Variants in MAPKAP1 observed in about 807,000 individuals in gnomAD.
MAPKAP1 encodes the protein target of rapamycin complex 2 subunit MAPKAP1.
MAPKAP1 carries 20 observed loss-of-function variants against 65.7 expected under a neutral mutation model. That is an observed-to-expected ratio of 0.30 (90% CI 0.21 to 0.44). The LOEUF (loss-of-function observed/expected upper bound fraction) is 0.44. Ranked by LOEUF, MAPKAP1 falls within the 20% of genes least tolerant of loss-of-function variation. The probability of loss-of-function intolerance (pLI) is 1.00; values close to 1 mark genes in which losing one functional copy is unlikely to be tolerated. For synonymous variants in MAPKAP1, 222 were observed against 244.3 expected (o/e 0.91, Z 0.85); for missense variants, 423 against 648.0 (o/e 0.65, Z 3.77).
At chr9:125,474,086 T>C (rs901273504) in intron 9 of MAPKAP1, among the ~76,000 whole-genome samples, 6 of 152,036 alleles carry the variant, frequency 3.9e-5, no homozygotes, top group African/African-American at 1.4e-4. Context: ...TGACATAGAC[T>C]CAGTGATGAG....
intron 10 of MAPKAP1, among the ~76,000 whole-genome samples, chr9:125,467,116 C>T (rs146059444): frequency 1.1e-4 from 17 of 152,288 alleles, no homozygotes; most frequent in African/African-American, 2.9e-4. Context: ...GGTGGGCCCT[C>T]GGTAACTGCA....
intron 7 of MAPKAP1, among the ~76,000 whole-genome samples, chr9:125,541,238 C>T (rs1830237780): frequency 6.6e-6 from 1 of 152,064 alleles, no homozygotes; most frequent in African/African-American, 2.4e-5. Context: ...GTATGATAAA[C>T]GCTGGGAATG....
At chr9:125,526,453 C>T (rs1023452489) in intron 7 of MAPKAP1, among the ~76,000 whole-genome samples, 3 of 152,186 alleles carry the variant, frequency 2.0e-5, no homozygotes, top group East Asian at 1.9e-4. Context: ...CTTTAACCTA[C>T]GGAAAATATG....
chr9:125,587,764 C>T (rs1200668530), intron 4 of MAPKAP1, among the ~76,000 whole-genome samples: 1 of 152,102 alleles, frequency 6.6e-6, no homozygotes, highest in Non-Finnish European at 1.5e-5. Flanking sequence ...TTTGAACAGA[C>T]ATTTCTCCAA....
intron 1 of MAPKAP1, among the ~76,000 whole-genome samples, chr9:125,701,555 C>T (rs554566204): frequency 3.3e-5 from 5 of 152,324 alleles, no homozygotes; most frequent in African/African-American, 1.2e-4. Flanking sequence ...GGATGCAACA[C>T]CCTCTCTAGT....
At chr9:125,518,175 C>A (rs1232732003) in intron 7 of MAPKAP1, among the ~76,000 whole-genome samples, 1 of 152,144 alleles carries the variant, frequency 6.6e-6, no homozygotes, top group African/African-American at 2.4e-5. Context: ...CATTAAAGTA[C>A]CGTTTTAATA....
intron 7 of MAPKAP1, among the ~76,000 whole-genome samples, chr9:125,534,953 C>T (rs936970186): frequency 6.6e-6 from 1 of 152,200 alleles, no homozygotes; most frequent in Non-Finnish European, 1.5e-5. Flanking sequence ...GCCTGCTTAT[C>T]CCAACTAAAT....
intron 7 of MAPKAP1, among the ~76,000 whole-genome samples, chr9:125,507,126 A>G (rs1829165005): frequency 6.6e-6 from 1 of 152,260 alleles, no homozygotes; most frequent in Non-Finnish European, 1.5e-5. Flanking sequence ...ACTGGAAGCC[A>G]GGAATACTAG....
chr9:125,549,781 C>A (rs1338562056), intron 6 of MAPKAP1, among the ~76,000 whole-genome samples: 1 of 152,142 alleles, frequency 6.6e-6, no homozygotes, highest in Non-Finnish European at 1.5e-5. Context: ...TATTTGAGCT[C>A]TTTGAGATGC....
chr9:125,594,628 T>A (rs1832071046), intron 4 of MAPKAP1, among the ~76,000 whole-genome samples: 1 of 152,178 alleles, frequency 6.6e-6, no homozygotes, highest in Non-Finnish European at 1.5e-5. Context: ...TTCCCTCTTC[T>A]CTCCTCCCCT....
At chr9:125,596,834 T>C (rs997659441) in intron 4 of MAPKAP1, among the ~76,000 whole-genome samples, 4 of 152,206 alleles carry the variant, frequency 2.6e-5, no homozygotes, top group East Asian at 3.9e-4. Context: ...TAACAGGTTG[T>C]TTTAGTTTTT....
At chr9:125,499,804 A>C (rs887634211) in intron 8 of MAPKAP1, among the ~76,000 whole-genome samples, 2 of 152,044 alleles carry the variant, frequency 1.3e-5, no homozygotes, top group African/African-American at 4.8e-5. Context: ...ACATAGCAAG[A>C]CACCATCTCT....
chr9:125,479,505 G>A (rs541830840), intron 9 of MAPKAP1, among the ~76,000 whole-genome samples: 4 of 152,078 alleles, frequency 2.6e-5, no homozygotes, highest in East Asian at 3.9e-4. Context: ...GCTTGAACCC[G>A]GGAGGCGGAG....
chr9:125,674,673 TTAAAA>T (rs1280855711), intron 1 of MAPKAP1, among the ~76,000 whole-genome samples: 2 of 152,218 alleles, frequency 1.3e-5, no homozygotes, highest in Non-Finnish European at 2.9e-5. Flanking sequence ...AAAGTGGGTC[TTAAAA>T]TAAAGATACT....
At chr9:125,559,879 T>C in intron 5 of MAPKAP1, 70 bp from the exon 6 acceptor site, 1 of 1,464,704 alleles carries the variant, frequency 6.8e-7, no homozygotes, top group Non-Finnish European at 9.2e-7. Context: ...GAGGGTATGG[T>C]GCACAGCAAG....
intron 3 of MAPKAP1, among the ~76,000 whole-genome samples, chr9:125,661,023 AAAAGT>A (rs1370134864): frequency 6.6e-6 from 1 of 152,252 alleles, no homozygotes; most frequent in Non-Finnish European, 1.5e-5. Context: ...TAAATATTCT[AAAAGT>A]AAAGAAGACA....
intron 4 of MAPKAP1, among the ~76,000 whole-genome samples, chr9:125,624,611 G>T (rs1415668503): frequency 6.3e-5 from 2 of 31,560 alleles, no homozygotes; most frequent in Non-Finnish European, 1.1e-4. Flanking sequence ...GGAGGGAGGT[G>T]GGGGGGGGGG....
intron 4 of MAPKAP1, among the ~76,000 whole-genome samples, chr9:125,649,292 A>C (rs1318485235): frequency 6.6e-6 from 1 of 152,200 alleles, no homozygotes; most frequent in Non-Finnish European, 1.5e-5. Flanking sequence ...GTAGTACAAC[A>C]ACAGTAATCT....
chr9:125,552,447 T>C (rs1006700601), intron 6 of MAPKAP1, among the ~76,000 whole-genome samples: 1 of 152,158 alleles, frequency 6.6e-6, no homozygotes, highest in African/African-American at 2.4e-5. Flanking sequence ...ATGTAAATAA[T>C]TATAAAATAT....
Sources: gnomAD v4.1 joint callset for allele counts (sites outside exome capture counted in the v4.1 genomes callset) on GRCh38, gnomAD v4.1.1 for gene constraint, MANE v1.5 for transcripts, NCBI Gene and HGNC (gene_info 2026-07-23, HGNC 2026-07-21) for gene names.